Variants in ARHGAP29 observed in about 807,000 individuals in gnomAD.
The protein encoded by ARHGAP29 is Rho GTPase activating protein 29.
Under a neutral mutation model 122.6 loss-of-function variants are expected in ARHGAP29, and 43 were observed. The observed-to-expected ratio is 0.35, with a 90% CI of 0.27 to 0.45. ARHGAP29 has a LOEUF of 0.45. ARHGAP29 is among the 20% of genes least tolerant of loss of function. The probability of loss-of-function intolerance (pLI) is 1.00; values close to 1 mark genes in which losing one functional copy is unlikely to be tolerated. For missense variants in ARHGAP29, 1,303 were observed against 1,477.2 expected, an observed-to-expected ratio of 0.88 and a Z score of 1.93; for synonymous variants, 506 against 497.1, an observed-to-expected ratio of 1.02 and a Z score of -0.24.
chr1:94,264,371 G>A (rs1463769051), intron 1 of ARHGAP29, among the ~76,000 whole-genome samples: 1 of 152,142 alleles, frequency 6.6e-6, no homozygotes, highest in Non-Finnish European at 1.5e-5. Context: ...TCTGTCCCAA[G>A]ACTGAGAAGA....
the ARHGAP29 span, chr1:94,302,239 A>T: frequency 1.2e-5 from 3 of 254,332 alleles, no homozygotes; most frequent in Admixed American, 1.3e-4. Context: ...TGGAAATCCC[A>T]TCACCATCTT....
At position 94,188,832 on chromosome 1, in the gene ARHGAP29, T is replaced by C. The variant is rs747005767; in HGVS notation, c.1681+5A>G. 3.1e-6 allele frequency: 5 copies of C among 1,606,322 alleles called. No homozygotes were observed. The highest frequency in any genetic ancestry group is 4.3e-6 in the Non-Finnish European group (5 of 1,175,514). ...TTTCATTGCCAGACTTAAATATAGATGTACCTGGACTTATAGATTCTGAAT... is the reference window on the plus strand; with the variant it reads ...TTTCATTGCCAGACTTAAATATAGACGTACCTGGACTTATAGATTCTGAAT... On this transcript the variant is annotated splice_donor_5th_base_variant and intron_variant, in intron 15 of 22. Coordinates refer to ENST00000260526, the MANE Select transcript of ARHGAP29 (RefSeq NM_004815.4).
Position 94,190,051 on chromosome 1 carries a change from C to T in ARHGAP29, c.1314G>A (p.Leu438=). 6.2e-7 allele frequency: 1 copy of T among 1,613,320 alleles called. No individual in the cohort carries two copies. Among genetic ancestry groups the T allele is most frequent in the South Asian group, 1.1e-5 (1 of 91,030 alleles). Residue 438 remains leucine, a synonymous_variant, in exon 13 of 23, where the codon CTG becomes CTA. Transcript: ENST00000260526. ...VTVNLFHMQH[L]QAASLADSLQ... ...AACTGTCTGCAAGGGAAGCAGCCTGCAGATGCTGCATGTGGAAGAGGTTAA... is the reference window on the plus strand; with the variant it reads ...AACTGTCTGCAAGGGAAGCAGCCTGTAGATGCTGCATGTGGAAGAGGTTAA...
chr1:94,210,623 C>A lies in ARHGAP29; in HGVS notation c.341-1273G>T, dbSNP rs569445389. On this transcript the variant is annotated intron_variant, in intron 3 of 22. Transcript: ENST00000260526. ...GATACAAACAAAAAGAAAAAGTTAC[C>A]ATTGCGAATATGGTTCTTAAATAAT... Among the ~76,000 whole-genome samples, 418 of 152,278 alleles carry A rather than the reference C, an allele frequency of 2.7e-3. 1 individual carries two copies. Among genetic ancestry groups the A allele is most frequent in the South Asian group, 0.02 (99 of 4,830 alleles).
At chr1:94,178,545 C>A (rs563528052) in intron 20 of ARHGAP29, among the ~76,000 whole-genome samples, 1 of 152,252 alleles carries the variant, frequency 6.6e-6, no homozygotes, top group Non-Finnish European at 1.5e-5. Context: ...ATGATTCTCC[C>A]TTCTGAAGAT....
rs2101341691 is a variant in ARHGAP29 at position 94,177,674 on chromosome 1, G to A, written c.2843C>T (p.Thr948Ile). 1 of 1,613,408 alleles carries A rather than the reference G, an allele frequency of 6.2e-7. No individual in the cohort carries two copies. The highest frequency in any genetic ancestry group is 1.1e-5 in the South Asian group (1 of 90,964). Residue 948 changes from threonine (T) to isoleucine (I), a missense_variant, in exon 22 of 23, where the codon ACA (threonine) becomes ATA (isoleucine). By Grantham distance (89) the Thr-to-Ile change is moderately conservative (BLOSUM62 -1). Coordinates refer to ENST00000260526, the MANE Select transcript of ARHGAP29 (RefSeq NM_004815.4). ...ESESKIFERA[T>I]SFEESERKQN... ...CTTGCGTTCTGATTCCTCAAATGAT[G>A]TAGCTCGTTCAAAAATTTTGCTTTC...
At chr1:94,198,028 G>GAAAGGAAGATATAAAACTGT (rs1650580555) in intron 12 of ARHGAP29, among the ~76,000 whole-genome samples, 1 of 152,186 alleles carries the variant, frequency 6.6e-6, no homozygotes, top group African/African-American at 2.4e-5. Flanking sequence ...ATACAGATTG[G>GAAAGGAAGATATAAAACTGT]AAAGGAAGAT....
the ARHGAP29 span, chr1:94,302,403 C>G: frequency 5.6e-6 from 2 of 356,014 alleles, no homozygotes; most frequent in South Asian, 4.5e-5. Context: ...CTGCTGATGC[C>G]CCCACGTTCG....
In ARHGAP29 at chr1:94,197,937, C is replaced by G. The variant is rs1455423987; in HGVS notation, c.1281+3783G>C. Among the ~76,000 whole-genome samples, 7 of 152,162 alleles carry G rather than the reference C, an allele frequency of 4.6e-5. No homozygotes were observed. The East Asian group carries it at 1.4e-3, about 29-fold the overall frequency. On this transcript the variant is annotated intron_variant, in intron 12 of 22. Coordinates refer to ENST00000260526, the MANE Select transcript of ARHGAP29 (RefSeq NM_004815.4). ...TTTCCCCTAAGATGGACAATTAGGC[C>G]AGGATGTCTTCTCTCACCACATCTA... is the stretch of plus-strand genomic sequence containing the variant.
rs1448819895 is a variant in ARHGAP29 at position 94,208,904 on chromosome 1, G to A, written c.438C>T (p.Ile146=). The A allele has an allele frequency of 7.4e-6, 12 of 1,613,150 alleles. No homozygotes were observed. Among genetic ancestry groups the A allele is most frequent in the Non-Finnish European group, 9.3e-6 (11 of 1,179,328 alleles). ...CATCTCCCATAAGGAAGTTTGTAAG[G>A]CTATCCAAGGAGGTTAAAAAAAGAA... The part of the protein sequence containing the change: ...IETLAFTFGN[I]LTNFLMGDVG... The change falls in exon 5 of 23, where the codon ATC becomes ATT. Residue 146 remains isoleucine, a splice_region_variant and synonymous_variant. Transcript: ENST00000260526.
At chr1:94,247,688 C>CA (rs1229064983) in intron 1 of ARHGAP29, among the ~76,000 whole-genome samples, 1 of 151,570 alleles carries the variant, frequency 6.6e-6, no homozygotes, top group Non-Finnish European at 1.5e-5. Flanking sequence ...GGCCAAGTGG[C>CA]AGCCGCAGCC....
At chr1:94,187,979 T>C (rs1009222647) in intron 15 of ARHGAP29, among the ~76,000 whole-genome samples, 7 of 152,046 alleles carry the variant, frequency 4.6e-5, no homozygotes, top group Admixed American at 3.3e-4. Context: ...TTCAGCAATA[T>C]GTAAAAGAAG....
the ARHGAP29 span, among the ~76,000 whole-genome samples, chr1:94,294,752 G>A: frequency 6.6e-6 from 1 of 152,160 alleles, no homozygotes; most frequent in Non-Finnish European, 1.5e-5. Flanking sequence ...GAGAAGATGA[G>A]AGGAGGGAAA....
the ARHGAP29 span, among the ~76,000 whole-genome samples, chr1:94,281,212 A>G: frequency 6.6e-6 from 1 of 152,208 alleles, no homozygotes; most frequent in African/African-American, 2.4e-5. Context: ...AGACACATAC[A>G]TGTATTCACA....
At chr1:94,285,275 T>C in the ARHGAP29 span, among the ~76,000 whole-genome samples, 1 of 151,996 alleles carries the variant, frequency 6.6e-6, no homozygotes, top group Non-Finnish European at 1.5e-5. Context: ...AGTCATTCAT[T>C]CCACAAAAAC....
upstream of ARHGAP29, chr1:94,237,635 C>A (rs1280727781): frequency 2.2e-5 from 22 of 986,732 alleles, no homozygotes; most frequent in Non-Finnish European, 2.5e-5. Flanking sequence ...CGCCCGCCCG[C>A]CAGCCCCGCC....
intron 1 of ARHGAP29, among the ~76,000 whole-genome samples, chr1:94,232,604 C>A (rs1204778762): frequency 1.3e-5 from 2 of 152,076 alleles, no homozygotes; most frequent in Non-Finnish European, 1.5e-5. Context: ...GTGACCAGTA[C>A]AATTTATTTA....
intron 19 of ARHGAP29, among the ~76,000 whole-genome samples, chr1:94,182,843 A>AAACAC (rs1649564904): frequency 6.6e-6 from 1 of 151,504 alleles, no homozygotes; most frequent in Non-Finnish European, 1.5e-5. Flanking sequence ...AAACAAAACA[A>AAACAC]AACAAAACAG....
chr1:94,182,182 T>C (rs1306639742), intron 19 of ARHGAP29, among the ~76,000 whole-genome samples: 3 of 151,724 alleles, frequency 2.0e-5, no homozygotes, highest in Non-Finnish European at 4.4e-5. Flanking sequence ...ACTACAATTC[T>C]GGGGAATTGA....
Sources: gnomAD v4.1 joint callset for allele counts (sites outside exome capture counted in the v4.1 genomes callset) on GRCh38, gnomAD v4.1.1 for gene constraint, MANE v1.5 for transcripts, NCBI Gene and HGNC (gene_info 2026-07-23, HGNC 2026-07-21) for gene names.